The following MYH15 variants were observed in gnomAD, a reference collection of about 807,000 sequenced individuals.
MYH15 encodes the protein myosin-15.
MYH15 carries 227 observed loss-of-function variants against 240.5 expected under a neutral mutation model. The ratio of observed to expected loss-of-function variants is 0.94; its 90% CI spans 0.85 to 1.05. The LOEUF is 1.05. Ranked by LOEUF, MYH15 falls within the 50% of genes least tolerant of loss-of-function variation. MYH15 has a pLI of 0.00. For synonymous variants in MYH15, 785 were observed against 796.7 expected (o/e 0.99, Z 0.25); for missense variants, 2,217 against 2,247.5 (o/e 0.99, Z 0.27).
Position 108,485,172 on chromosome 3 carries a change from T to A in MYH15, c.1033A>T (p.Thr345Ser). The A allele has an allele frequency of 2.5e-6, 4 of 1,614,022 alleles. No homozygotes were observed. Among genetic ancestry groups the A allele is most frequent in the East Asian group, 2.2e-5 (1 of 44,882 alleles). ...TTTCCAAAGTGCATGATGGCTCCAGTGAGTTTATAGCATCCATACTTCTCA... is the reference window on the plus strand; with the variant it reads ...TTTCCAAAGTGCATGATGGCTCCAGAGAGTTTATAGCATCCATACTTCTCA... Reference protein sequence around the residue: ...PDEKYGCYKLTGAIMHFGNMK... With the variant: ...PDEKYGCYKLSGAIMHFGNMK... Residue 345 changes from threonine (T) to serine (S), a missense_variant, in exon 11 of 41, where the codon ACT becomes TCT. Thr to Ser is a moderately conservative substitution (Grantham distance 58). Transcript: ENST00000693548.
At chr3:108,510,355 T>G (rs2083512240) in intron 1 of MYH15, 88 bp downstream of exon 1, 1 of 1,508,188 alleles carries the variant, frequency 6.6e-7, no homozygotes, top group Non-Finnish European at 8.9e-7. Context: ...GCTCTAGAAC[T>G]GATGGCTCTT....
upstream of MYH15, among the ~76,000 whole-genome samples, chr3:108,531,962 A>T (rs1381259588): frequency 3.9e-5 from 6 of 152,164 alleles, no homozygotes; most frequent in Non-Finnish European, 8.8e-5. Context: ...AAAAACTGAA[A>T]AACAACTGTC....
rs772601227 is a variant in MYH15, at chr3:108,454,079, C to T, written c.2326G>A (p.Val776Ile). Residue 776 changes from valine (V) to isoleucine (I), a missense_variant, in exon 21 of 41, where the codon GTC becomes ATC. Coordinates refer to ENST00000693548, the MANE Select transcript of MYH15 (RefSeq NM_014981.3). Reference protein sequence around the residue: ...EAIRDERLSKVFTLFQARAQG... With the variant: ...EAIRDERLSKIFTLFQARAQG... ...GCTCTGGCTTGGAACAATGTGAAGA[C>T]TTTAGATAGTCTCTCATCTCTTATT... 3.1e-6 allele frequency: 5 copies of T among 1,612,908 alleles called. No individual in the cohort carries two copies. In the African/African-American group the frequency reaches 5.3e-5, roughly 17 times the overall value.
At chr3:108,538,534 TC>T in the MYH15 span, among the ~76,000 whole-genome samples, 1 of 152,140 alleles carries the variant, frequency 6.6e-6, no homozygotes, top group African/African-American at 2.4e-5. Flanking sequence ...AGCATACACT[TC>T]AAGATTGGGA....
In MYH15 at chr3:108,494,009, A is replaced by G. The variant is rs565929906; in HGVS notation, c.712-832T>C. Among the ~76,000 whole-genome samples the G allele has an allele frequency of 4.8e-4, 73 of 152,338 alleles. 1 individual carries two copies. The highest frequency in any genetic ancestry group is 3.4e-3 in the Middle Eastern group (1 of 294). On this transcript the variant is annotated intron_variant, in intron 7 of 40. Coordinates refer to ENST00000693548, the MANE Select transcript of MYH15 (RefSeq NM_014981.3). ...ATGCTGTCCAGAGGTGCCAGTGCCC[A>G]TGTCAGAATGCCAGATGCAGCTGAG...
intron 24 of MYH15, among the ~76,000 whole-genome samples, chr3:108,438,799 C>T (rs2082861947): frequency 6.6e-6 from 1 of 151,984 alleles, no homozygotes; most frequent in Non-Finnish European, 1.5e-5. Flanking sequence ...TATTTGCCAC[C>T]CAGTTTATGG....
chr3:108,380,440 G>C lies in MYH15; in HGVS notation c.*1105C>G, dbSNP rs1452580995. ...GGTGCTGGTGGAGAAGTCTAGGCCA[G>C]GCTGTTCCCTCTGCATCTGGTTCTG... On this transcript the variant is annotated 3_prime_UTR_variant, in exon 41 of 41. Transcript: ENST00000693548. 1 of 152,412 alleles carries C rather than the reference G, an allele frequency of 6.6e-6. No individual in the cohort carries two copies. The highest frequency in any genetic ancestry group is 1.5e-5 in the Non-Finnish European group (1 of 68,214). The allele number at this position is 152,412 out of a possible 1,614,324, so 9.4% of individuals were successfully genotyped here.
intron 25 of MYH15, among the ~76,000 whole-genome samples, chr3:108,433,282 G>A (rs1373523019): frequency 6.6e-6 from 1 of 152,226 alleles, no homozygotes; most frequent in Non-Finnish European, 1.5e-5. Context: ...CATTTGGAAT[G>A]GCTGTATTTA....
At chr3:108,442,862 C>T (rs1049155724) in intron 22 of MYH15, among the ~76,000 whole-genome samples, 6 of 150,608 alleles carry the variant, frequency 4.0e-5, no homozygotes, top group Non-Finnish European at 8.8e-5. Flanking sequence ...ATAATGATAG[C>T]TCTGTCAACT....
chr3:108,381,621 T>C, intron 40 of MYH15, 62 bp from the exon 41 acceptor site: 2 of 1,579,206 alleles, frequency 1.3e-6, no homozygotes, highest in Non-Finnish European at 1.7e-6. Flanking sequence ...GTGGAACACA[T>C]GTCCAGAACC....
At position 108,492,613 on chromosome 3, in the gene MYH15, A is replaced by G. The variant is rs770969163; in HGVS notation, c.776-18T>C. The stretch of plus-strand genomic sequence containing the variant: ...AAGCAAATCTGGATGATGAGAAATG[A>G]ATAAAAATTCATACTTAGGCATTCT... On this transcript the variant is annotated intron_variant, in intron 8 of 40. Transcript: ENST00000693548. The G allele has an allele frequency of 2.5e-6, 4 of 1,590,892 alleles. No individual in the cohort carries two copies. The highest frequency in any genetic ancestry group is 3.4e-6 in the Non-Finnish European group (4 of 1,160,526).
Position 108,510,461 on chromosome 3 carries a change from G to A in MYH15, c.70C>T (p.Gln24Ter), listed in dbSNP as rs201499449. Residue 24 changes from glutamine to a stop codon, truncating the protein, a stop_gained, in exon 1 of 41, where the codon CAG becomes TAG. Transcript: ENST00000693548. LOFTEE classifies it high-confidence loss of function. ...GTCTCACCATCCAAGGCTGTGGCCT[G>A]TAGTAGAAGCAGCTCAGCTTCACTT... is the stretch of plus-strand genomic sequence containing the variant. Reference protein sequence around the residue: ...RRSEAELLLLQATALDGKKKC... With the variant: ...RRSEAELLLL 8.7e-5 allele frequency: 141 copies of A among 1,612,330 alleles called. No homozygotes were observed. Among genetic ancestry groups the A allele is most frequent in the Middle Eastern group, 4.9e-4 (3 of 6,066 alleles).
chr3:108,529,475 G>C (rs937994826), upstream of MYH15, among the ~76,000 whole-genome samples: 1 of 152,150 alleles, frequency 6.6e-6, no homozygotes, highest in Non-Finnish European at 1.5e-5. Flanking sequence ...TTCAGACTGA[G>C]AGCACATTGT....
At chr3:108,533,117 GCTTTT>G (rs1390985545), upstream of MYH15, among the ~76,000 whole-genome samples, 1 of 81,520 alleles carries the variant, frequency 1.2e-5, no homozygotes, top group Non-Finnish European at 2.5e-5. Flanking sequence ...AACAATAAAA[GCTTTT>G]TTTTTTTTTT....
intron 36 of MYH15, among the ~76,000 whole-genome samples, chr3:108,392,956 G>A (rs896569087): frequency 6.6e-6 from 1 of 152,194 alleles, no homozygotes. Flanking sequence ...TATCCGCCTT[G>A]ATACAAAAGG....
intron 16 of MYH15, chr3:108,461,720 T>C (rs1282108848): frequency 6.6e-6 from 1 of 152,194 alleles, no homozygotes; most frequent in East Asian, 1.9e-4. Flanking sequence ...GCCTGAAGAT[T>C]AGCCGGGTCC....
At chr3:108,416,239 T>C (rs2082631797) in intron 29 of MYH15, among the ~76,000 whole-genome samples, 1 of 152,218 alleles carries the variant, frequency 6.6e-6, no homozygotes, top group Admixed American at 6.5e-5. Flanking sequence ...AGTATGGTCA[T>C]GTACAAGTAA....
intron 22 of MYH15, among the ~76,000 whole-genome samples, chr3:108,443,577 C>T (rs889737141): frequency 5.9e-5 from 9 of 152,120 alleles, no homozygotes; most frequent in African/African-American, 2.2e-4. Context: ...GTTTCAGGAT[C>T]ACAGTAGTCC....
chr3:108,510,660 CACATAGATAG>C, upstream of MYH15: 1 of 1,425,696 alleles, frequency 7.0e-7, no homozygotes, highest in Admixed American at 2.0e-5. Flanking sequence ...AGCAACCATT[CACATAGATAG>C]ACTAAAGAGT....
Sources: gnomAD v4.1 joint callset for allele counts (sites outside exome capture counted in the v4.1 genomes callset) on GRCh38, gnomAD v4.1.1 for gene constraint, MANE v1.5 for transcripts, NCBI Gene and HGNC (gene_info 2026-07-23, HGNC 2026-07-21) for gene names.